MICU3: variants seen among roughly 807,000 people sequenced by gnomAD.
MICU3 encodes the protein calcium uptake protein 3, mitochondrial.
A neutral mutation model predicts 66.5 loss-of-function variants in MICU3; 62 were observed. The observed-to-expected ratio is 0.93, with a 90% CI of 0.76 to 1.15. MICU3 has a LOEUF of 1.15. Ranked by LOEUF, MICU3 falls within the 50% of genes most tolerant of loss-of-function variation. MICU3 has a pLI of 0.00. For missense variants in MICU3, 779 were observed against 664.4 expected (o/e 1.17, Z -1.90); for synonymous variants, 308 against 240.7 (o/e 1.28, Z -2.59).
chr8:17,072,053 G>A (rs780245695), intron 3 of MICU3, among the ~76,000 whole-genome samples: 59 of 152,056 alleles, frequency 3.9e-4, no homozygotes, highest in Non-Finnish European at 3.8e-4. Context: ...TAATCTGGAT[G>A]AGTAAGGGCC....
downstream of MICU3, among the ~76,000 whole-genome samples, chr8:17,124,896 G>A (rs529620251): frequency 6.6e-6 from 1 of 152,020 alleles, no homozygotes; most frequent in African/African-American, 2.4e-5. Flanking sequence ...CTAGGACTTA[G>A]TAGAATCTTC....
intron 9 of MICU3, among the ~76,000 whole-genome samples, chr8:17,099,245 C>G (rs1025319844): frequency 1.3e-5 from 2 of 151,626 alleles, no homozygotes; most frequent in African/African-American, 4.8e-5. Context: ...AGAATTTTTC[C>G]TAAGAACTTT....
At chr8:17,039,754 GA>G (rs60472124) in intron 1 of MICU3, among the ~76,000 whole-genome samples, 2,543 of 151,952 alleles carry the variant, frequency 0.017, 70 homozygotes, top group African/African-American at 0.058. Flanking sequence ...AAGATTAAAG[GA>G]AACATTTGGG....
rs527903891 is a variant in MICU3, at chr8:17,064,216, G to C, written c.514G>C (p.Val172Leu). ...GACTCCGTATGATTTTATTTTGGCT[G>C]TTACAACAGATGAGCCCAAAGGTAA... ...FMTPYDFILAVTTDEPKVAKT... is the reference protein window; with the variant it reads ...FMTPYDFILALTTDEPKVAKT... The change falls in exon 2 of 15, where the codon GTT becomes CTT. Residue 172 changes from valine (V) to leucine (L), a missense_variant. By Grantham distance (32) the Val-to-Leu change is conservative (BLOSUM62 1). Coordinates refer to ENST00000318063, the MANE Select transcript of MICU3 (RefSeq NM_181723.3). 9 of 1,611,650 alleles carry C rather than the reference G, an allele frequency of 5.6e-6. No homozygotes were observed. The South Asian group carries it at 8.8e-5, about 16-fold the overall frequency.
In MICU3 at chr8:17,120,236, G is replaced by C. The variant is rs59095229; in HGVS notation, c.*1-52G>C. The C allele has an allele frequency of 6.0e-3, 904 of 151,836 alleles. 10 individuals are homozygous for C. The highest frequency in any genetic ancestry group is 0.021 in the African/African-American group (867 of 41,380). The allele number at this position is 151,836 out of a possible 1,614,324, so 9.4% of individuals were successfully genotyped here. A position where few individuals can be genotyped will look rare whatever the true frequency, so the allele number is the denominator to read the frequency against. On this transcript the variant is annotated intron_variant, in intron 14 of 14. Transcript: ENST00000318063. ...AAGAATATTTAACACTATCACCTCA[G>C]AATTATATCCTAAATAAATATTGCT...
intron 1 of MICU3, among the ~76,000 whole-genome samples, chr8:17,050,668 T>C (rs536746146): frequency 6.6e-6 from 1 of 152,314 alleles, no homozygotes; most frequent in African/African-American, 2.4e-5. Context: ...TTCCATTATG[T>C]AATTTTAAGC....
chr8:17,063,944 G>C, intron 1 of MICU3, 140 bp from the exon 2 acceptor site: 1 of 467,504 alleles, frequency 2.1e-6, no homozygotes, highest in Non-Finnish European at 3.7e-6. Context: ...TATTTATAAA[G>C]TGATTAACGT....
chr8:17,090,491 CT>C (rs775176679), intron 7 of MICU3, 54 bp from the exon 8 acceptor site: 13 of 1,508,400 alleles, frequency 8.6e-6, no homozygotes, highest in Non-Finnish European at 1.2e-5. Context: ...TTTTGCTGTA[CT>C]TGGGTTCATT....
At chr8:17,070,786 G>A (rs560450438) in intron 3 of MICU3, among the ~76,000 whole-genome samples, 4 of 152,092 alleles carry the variant, frequency 2.6e-5, no homozygotes, top group Admixed American at 6.5e-5. Flanking sequence ...ATTAGTCCCC[G>A]TTTATCAGTG....
intron 1 of MICU3, among the ~76,000 whole-genome samples, chr8:17,055,665 G>A (rs4117964): frequency 0.039 from 5,977 of 152,138 alleles, 174 homozygotes; most frequent in Non-Finnish European, 0.059. Context: ...CTCTCCCTTC[G>A]TTGATAATGA....
intron 3 of MICU3, among the ~76,000 whole-genome samples, chr8:17,071,527 C>G (rs1819583153): frequency 6.6e-6 from 1 of 151,934 alleles, no homozygotes; most frequent in Admixed American, 6.6e-5. Flanking sequence ...CAGTCAGATT[C>G]TGAGGTACTG....
intron 7 of MICU3, among the ~76,000 whole-genome samples, chr8:17,088,478 T>G (rs1387730790): frequency 6.6e-6 from 1 of 152,038 alleles, no homozygotes; most frequent in Non-Finnish European, 1.5e-5. Context: ...ACAGTTATTT[T>G]AATTTTGATA....
At chr8:17,094,903 C>G (rs1800505679) in intron 8 of MICU3, among the ~76,000 whole-genome samples, 1 of 151,984 alleles carries the variant, frequency 6.6e-6, no homozygotes, top group South Asian at 2.1e-4. Flanking sequence ...TTCTCCTTAA[C>G]AGTTTGCCGT....
At chr8:17,071,908 A>C (rs1819639024) in intron 3 of MICU3, among the ~76,000 whole-genome samples, 1 of 152,180 alleles carries the variant, frequency 6.6e-6, no homozygotes, top group African/African-American at 2.4e-5. Context: ...AATACAAGTA[A>C]ATGGAGAACT....
chr8:17,127,992 C>T, the MICU3 span, among the ~76,000 whole-genome samples: 1,153 of 152,190 alleles, frequency 7.6e-3, 13 homozygotes, highest in Middle Eastern at 0.02. Flanking sequence ...AGGAACCAGA[C>T]CACATAAGGG....
chr8:17,136,728 C>G, the MICU3 span, among the ~76,000 whole-genome samples: 4 of 152,058 alleles, frequency 2.6e-5, no homozygotes, highest in African/African-American at 7.2e-5. Flanking sequence ...CATACGTGAC[C>G]CAGAAAGTCT....
chr8:17,046,375 T>A (rs906821135), intron 1 of MICU3, among the ~76,000 whole-genome samples: 1 of 152,190 alleles, frequency 6.6e-6, no homozygotes, highest in Non-Finnish European at 1.5e-5. Context: ...CTGTGATGAT[T>A]GTTGTGTTGG....
intron 6 of MICU3, among the ~76,000 whole-genome samples, chr8:17,086,363 C>G (rs1799468205): frequency 6.6e-6 from 1 of 152,074 alleles, no homozygotes; most frequent in African/African-American, 2.4e-5. Context: ...AGACTGATTA[C>G]TGGGATTTAT....
chr8:17,128,842 T>G, the MICU3 span, among the ~76,000 whole-genome samples: 1 of 151,958 alleles, frequency 6.6e-6, no homozygotes, highest in African/African-American at 2.4e-5. Context: ...TGGGACAGAG[T>G]ACCAGGGAAG....
Sources: allele counts gnomAD v4.1 joint callset (sites outside exome capture counted in the v4.1 genomes callset), GRCh38; gene constraint gnomAD v4.1.1; transcripts MANE v1.5; gene names NCBI Gene and HGNC (gene_info 2026-07-23, HGNC 2026-07-21).